MUSK: variants seen among roughly 807,000 people sequenced by gnomAD.
The protein encoded by MUSK is muscle associated receptor tyrosine kinase, also known as muscle, skeletal receptor tyrosine-protein kinase.
In MUSK, 55 loss-of-function variants were observed where a neutral mutation model predicts 88.7. That is an observed-to-expected ratio of 0.62 (90% CI 0.50 to 0.78). The LOEUF is 0.78. MUSK is among the 30% of genes least tolerant of loss of function. The pLI is 0.00. For missense variants in MUSK, 1,015 were observed against 1,074.3 expected, an observed-to-expected ratio of 0.94 and a Z score of 0.77; for synonymous variants, 387 against 391.9, an observed-to-expected ratio of 0.99 and a Z score of 0.15.
At chr9:110,747,860 C>T (rs2077195739) in intron 7 of MUSK, 60 bp downstream of exon 7, 6 of 1,556,808 alleles carry the variant, frequency 3.9e-6, no homozygotes, top group Non-Finnish European at 5.3e-6. Context: ...TACTATTCTA[C>T]AATATCGAGC....
intron 5 of MUSK, among the ~76,000 whole-genome samples, chr9:110,702,639 T>G (rs62571359): frequency 6.6e-6 from 1 of 152,140 alleles, no homozygotes; most frequent in Admixed American, 6.6e-5. Context: ...CTGGGCACAG[T>G]GGCTCACCCC....
intron 3 of MUSK, among the ~76,000 whole-genome samples, chr9:110,688,922 T>C (rs1438027052): frequency 2.1e-5 from 3 of 146,300 alleles, no homozygotes; most frequent in African/African-American, 7.4e-5. Context: ...TTATATATAT[T>C]TATATATAAA....
In MUSK at chr9:110,682,814, A is replaced by G; in HGVS notation, c.206+14A>G. The G allele has an allele frequency of 6.2e-7, 1 of 1,603,612 alleles. No homozygotes were observed. Among genetic ancestry groups the G allele is most frequent in the Non-Finnish European group, 8.5e-7 (1 of 1,173,458 alleles). On this transcript the variant is annotated intron_variant, in intron 2 of 14. Coordinates refer to ENST00000374448, the MANE Select transcript of MUSK (RefSeq NM_005592.4). ...AATTCTCATTAAGTAAGTATTCCAC[A>G]TTTTAATTTTTTTAAATTTTTGTGG...
At chr9:110,711,314 C>G (rs72754598) in intron 5 of MUSK, among the ~76,000 whole-genome samples, 1 of 152,168 alleles carries the variant, frequency 6.6e-6, no homozygotes, top group African/African-American at 2.4e-5. Flanking sequence ...AGAGGAGCTT[C>G]CTGCCAGCCT....
chr9:110,715,609 G>A lies in MUSK; in HGVS notation c.628+18143G>A, dbSNP rs2076733901. ...TAAGGAAAATGATAAACAACTTAAT[G>A]AAATGGCACTATGAAAATAAAATAA... On this transcript the variant is annotated intron_variant, in intron 5 of 14. Coordinates refer to ENST00000374448, the MANE Select transcript of MUSK (RefSeq NM_005592.4). Among the ~76,000 whole-genome samples the A allele has an allele frequency of 3.4e-5, 5 of 148,316 alleles. 1 individual carries two copies. In the South Asian group the frequency reaches 1.1e-3, roughly 32 times the overall value.
chr9:110,746,128 C>T (rs900931814), intron 6 of MUSK, among the ~76,000 whole-genome samples: 3 of 152,198 alleles, frequency 2.0e-5, no homozygotes, highest in African/African-American at 4.8e-5. Context: ...CAACATGGGA[C>T]GTACCTCCAC....
At chr9:110,696,700 A>T (rs1201357355) in intron 4 of MUSK, among the ~76,000 whole-genome samples, 1 of 152,138 alleles carries the variant, frequency 6.6e-6, no homozygotes, top group East Asian at 1.9e-4. Flanking sequence ...TTTTAATATT[A>T]TGTGTGAAAT....
intron 6 of MUSK, among the ~76,000 whole-genome samples, chr9:110,744,623 A>G (rs1407112522): frequency 1.3e-5 from 2 of 152,200 alleles, no homozygotes; most frequent in African/African-American, 4.8e-5. Flanking sequence ...CATTTAAGGT[A>G]CAAAACATGA....
Position 110,787,811 on chromosome 9 carries a change from G to C in MUSK, c.1900G>C (p.Asp634His). The C allele has an allele frequency of 6.2e-7, 1 of 1,613,126 alleles. No homozygotes were observed. Among genetic ancestry groups the C allele is most frequent in the Non-Finnish European group, 8.5e-7 (1 of 1,179,484 alleles). The change falls in exon 14 of 15, where the codon GAC becomes CAC. Residue 634 changes from aspartate to histidine, a missense_variant. Coordinates refer to ENST00000374448, the MANE Select transcript of MUSK (RefSeq NM_005592.4). ...GGAGGCAGCCCTCATGGCAGAATTT[G>C]ACAACCCTAACATTGTGAAGCTATT... Reference protein sequence around the residue: ...QREAALMAEFDNPNIVKLLGV... With the variant: ...QREAALMAEFHNPNIVKLLGV...
At chr9:110,689,436 A>C (rs1485543481) in intron 3 of MUSK, among the ~76,000 whole-genome samples, 1 of 110,174 alleles carries the variant, frequency 9.1e-6, no homozygotes, top group Non-Finnish European at 1.6e-5. Flanking sequence ...TGTAAAAAAT[A>C]TTAAAATATG....
intron 5 of MUSK, among the ~76,000 whole-genome samples, chr9:110,698,141 A>T (rs77305778): frequency 6.6e-6 from 1 of 152,156 alleles, no homozygotes; most frequent in East Asian, 1.9e-4. Context: ...TTGCTTAAAA[A>T]GAACTATCAG....
intron 3 of MUSK, among the ~76,000 whole-genome samples, chr9:110,688,485 G>T: frequency 6.6e-6 from 1 of 151,910 alleles, no homozygotes; most frequent in Non-Finnish European, 1.5e-5. Flanking sequence ...TGAGTTCAGG[G>T]GTACATCTGC....
chr9:110,688,630 C>T (rs545280127), intron 3 of MUSK, among the ~76,000 whole-genome samples: 11 of 151,984 alleles, frequency 7.2e-5, no homozygotes, highest in South Asian at 2.1e-4. Flanking sequence ...CCAACACCCC[C>T]GACAGGCCCC....
Position 110,728,720 on chromosome 9 carries a change from A to ATTT in MUSK, c.629-5524_629-5522dup, listed in dbSNP as rs147019531. 1.1e-5 allele frequency: 17 copies of ATTT among 1,549,114 alleles called. No individual in the cohort carries two copies. In the African/African-American group the frequency reaches 2.2e-4, roughly 20 times the overall value. ...TGAACCCGAACAAGATACTAAAGGT[A>ATTT]TTTTTTTTTCTTTCTGCATGGCTTC... On this transcript the variant is annotated intron_variant, in intron 5 of 14. Coordinates refer to ENST00000374448, the MANE Select transcript of MUSK (RefSeq NM_005592.4).
At chr9:110,744,449 T>C (rs560695354) in intron 6 of MUSK, among the ~76,000 whole-genome samples, 1 of 152,226 alleles carries the variant, frequency 6.6e-6, no homozygotes, top group African/African-American at 2.4e-5. Context: ...AATGTATTAA[T>C]GATACATTAA....
chr9:110,754,875 G>A (rs1330171530), intron 7 of MUSK, among the ~76,000 whole-genome samples: 2 of 152,086 alleles, frequency 1.3e-5, no homozygotes, highest in Admixed American at 1.3e-4. Context: ...ATAGCCTTTG[G>A]TCATTTTAAT....
intron 14 of MUSK, chr9:110,788,069 T>C: frequency 2.0e-6 from 1 of 501,818 alleles, no homozygotes. Flanking sequence ...CTTTGCTGCC[T>C]CCTATTTATA....
At chr9:110,778,666 T>C (rs1418314233) in intron 11 of MUSK, among the ~76,000 whole-genome samples, 1 of 152,044 alleles carries the variant, frequency 6.6e-6, no homozygotes, top group Non-Finnish European at 1.5e-5. Flanking sequence ...TTTACCCATC[T>C]AGTAAGGTGA....
chr9:110,683,047 T>C (rs2076152725), intron 2 of MUSK, among the ~76,000 whole-genome samples: 2 of 151,902 alleles, frequency 1.3e-5, no homozygotes, highest in Non-Finnish European at 2.9e-5. Flanking sequence ...GTCACTCTGT[T>C]GTCTTATCAA....
Sources: allele counts gnomAD v4.1 joint callset (sites outside exome capture counted in the v4.1 genomes callset), GRCh38; gene constraint gnomAD v4.1.1; transcripts MANE v1.5; gene names NCBI Gene and HGNC (gene_info 2026-07-23, HGNC 2026-07-21).